Variants in CCM2 observed in about 807,000 individuals in gnomAD.
The protein encoded by CCM2 is cerebral cavernous malformations 2 protein.
A neutral mutation model predicts 44.9 loss-of-function variants in CCM2; 25 were observed. The ratio of observed to expected loss-of-function variants is 0.56; its 90% confidence interval spans 0.41 to 0.78. The LOEUF (loss-of-function observed/expected upper bound fraction) is 0.78, where lower values mean the gene tolerates loss of function less well. CCM2 is among the 30% of genes least tolerant of loss of function. The pLI is 0.00. For synonymous variants in CCM2, 219 were observed against 241.1 expected (o/e 0.91, Z 0.85); for missense variants, 481 against 580.6 (o/e 0.83, Z 1.76).
At chr7:45,071,033 C>T (rs1799044523) in intron 6 of CCM2, 1 of 152,156 alleles carries the variant, frequency 6.6e-6, no homozygotes, top group Non-Finnish European at 1.5e-5. Context: ...TGTGTTGGCC[C>T]AGCAGCTGCA....
intron 1 of CCM2, among the ~76,000 whole-genome samples, chr7:45,020,201 A>G (rs1213997411): frequency 1.3e-5 from 2 of 152,244 alleles, no homozygotes; most frequent in East Asian, 3.9e-4. Flanking sequence ...CCCTTCTTTC[A>G]AGGGTCATAT....
chr7:45,024,616 A>G (rs1796614069), intron 1 of CCM2, among the ~76,000 whole-genome samples: 1 of 152,230 alleles, frequency 6.6e-6, no homozygotes, highest in Admixed American at 6.5e-5. Context: ...AAGGCACTGC[A>G]GGTGTGAAAA....
chr7:45,074,481 C>A, intron 9 of CCM2, 73 bp downstream of exon 9: 2 of 1,261,956 alleles, frequency 1.6e-6, no homozygotes, highest in Non-Finnish European at 2.3e-6. Context: ...TGGGAATGTG[C>A]ACACGGACCC....
At chr7:45,026,597 ATTTTTT>A (rs747619583) in intron 1 of CCM2, among the ~76,000 whole-genome samples, 1 of 114,432 alleles carries the variant, frequency 8.7e-6, no homozygotes, top group African/African-American at 3.4e-5. Context: ...CTCTAACCAG[ATTTTTT>A]TTTTTTTTTT....
chr7:45,042,264 T>TAAAA (rs1412284392), intron 2 of CCM2, among the ~76,000 whole-genome samples: 1 of 23,912 alleles, frequency 4.2e-5, no homozygotes, highest in Non-Finnish European at 7.9e-5. Context: ...AGATTCCATC[T>TAAAA]CAAAAAAAAA....
chr7:45,001,463 G>A (rs1412299926), intron 1 of CCM2, among the ~76,000 whole-genome samples: 3 of 152,274 alleles, frequency 2.0e-5, no homozygotes, highest in Non-Finnish European at 2.9e-5. Context: ...GAAGAGGGAG[G>A]AGCCAAGCAG....
In CCM2 at chr7:45,076,135, C is replaced by T. The variant is rs368134272; in HGVS notation, c.*78C>T. 6.3e-6 allele frequency: 10 copies of T among 1,589,394 alleles called. No individual in the cohort carries two copies. Among genetic ancestry groups the T allele is most frequent in the Middle Eastern group, 2.1e-4 (1 of 4,742 alleles). On this transcript the variant is annotated 3_prime_UTR_variant, in exon 10 of 10. Transcript: ENST00000258781. ...TCCCAGAAGGAGCTGCCCAGACCTG[C>T]GTGTCAGCCCTTGGTGGTGGCCAGG...
intron 1 of CCM2, among the ~76,000 whole-genome samples, chr7:45,032,726 C>G (rs189803360): frequency 2.0e-5 from 3 of 152,204 alleles, no homozygotes; most frequent in South Asian, 4.1e-4. Context: ...TCTGTGCAAG[C>G]TCCATGCTGG....
chr7:45,054,826 G>A (rs1470632073), intron 2 of CCM2, among the ~76,000 whole-genome samples: 1 of 152,268 alleles, frequency 6.6e-6, no homozygotes, highest in African/African-American at 2.4e-5. Context: ...TAGGGGCACT[G>A]GGTGTTGGCC....
chr7:45,041,208 A>G (rs978429783), intron 2 of CCM2, among the ~76,000 whole-genome samples: 2 of 152,354 alleles, frequency 1.3e-5, no homozygotes, highest in African/African-American at 4.8e-5. Flanking sequence ...TGCTGAAGAA[A>G]TAGAATAGTA....
intron 1 of CCM2, among the ~76,000 whole-genome samples, chr7:45,001,645 T>C (rs969953715): frequency 1.3e-5 from 2 of 152,172 alleles, no homozygotes; most frequent in Non-Finnish European, 1.5e-5. Context: ...GTGCACCGCT[T>C]ACAGGAGTAC....
At position 45,038,315 on chromosome 7, in the gene CCM2, A is replaced by C; in HGVS notation, c.93A>C (p.Lys31Asn). The C allele has an allele frequency of 1.2e-6, 2 of 1,614,232 alleles. No homozygotes were observed. The highest frequency in any genetic ancestry group is 1.7e-6 in the Non-Finnish European group (2 of 1,180,044). Residue 31 changes from lysine to asparagine, a missense_variant, in exon 2 of 10, where the codon AAA becomes AAC. Transcript: ENST00000258781. ...AAGGTGAAAAGAGTAGAGATAAGAA[A>C]GCCCATGAGAAGGTGACAGAGAGGC... The part of the protein sequence containing the change: ...FLKGEKSRDK[K>N]AHEKVTERRP...
At chr7:45,039,600 AC>A (rs1393248326) in intron 2 of CCM2, among the ~76,000 whole-genome samples, 1 of 152,272 alleles carries the variant, frequency 6.6e-6, no homozygotes, top group Non-Finnish European at 1.5e-5. Flanking sequence ...ATAAACAGCA[AC>A]AATGCAGAAA....
chr7:45,018,190 G>T (rs1021920505), intron 1 of CCM2, among the ~76,000 whole-genome samples: 10 of 152,138 alleles, frequency 6.6e-5, no homozygotes, highest in Non-Finnish European at 1.5e-4. Flanking sequence ...AGGAGGCGGG[G>T]CTCAGGTGGT....
intron 1 of CCM2, among the ~76,000 whole-genome samples, chr7:45,011,272 C>T (rs1254083157): frequency 1.3e-5 from 2 of 151,922 alleles, no homozygotes; most frequent in East Asian, 3.9e-4. Flanking sequence ...TCTCAGCTCA[C>T]TGCAGCCTCT....
chr7:45,022,400 G>A (rs772746412), intron 1 of CCM2, among the ~76,000 whole-genome samples: 21 of 145,184 alleles, frequency 1.4e-4, no homozygotes. Flanking sequence ...TCCGCCTCCC[G>A]GGTTCACGCC....
chr7:45,018,325 G>T (rs967414748), intron 1 of CCM2, among the ~76,000 whole-genome samples: 1 of 152,076 alleles, frequency 6.6e-6, no homozygotes, highest in Non-Finnish European at 1.5e-5. Context: ...AGAATTCTAG[G>T]TTGACTGTTT....
At chr7:45,002,345 G>A (rs1017593926) in intron 1 of CCM2, among the ~76,000 whole-genome samples, 1 of 152,160 alleles carries the variant, frequency 6.6e-6, no homozygotes, top group South Asian at 2.1e-4. Context: ...GCCAAGGCTC[G>A]ATCACTTTAG....
chr7:45,064,821 AGACACTG>A (rs1798694933), intron 4 of CCM2, among the ~76,000 whole-genome samples, 175 bp downstream of exon 4: 1 of 152,186 alleles, frequency 6.6e-6, no homozygotes, highest in Non-Finnish European at 1.5e-5. Flanking sequence ...ATCAGTTACC[AGACACTG>A]GGGGTGACTG....
Sources: gnomAD v4.1 joint callset for allele counts (sites outside exome capture counted in the v4.1 genomes callset) on GRCh38, gnomAD v4.1.1 for gene constraint, MANE v1.5 for transcripts, NCBI Gene and HGNC (gene_info 2026-07-23, HGNC 2026-07-21) for gene names.